GRID2: variants seen among roughly 807,000 people sequenced by gnomAD.
GRID2 encodes the protein glutamate ionotropic receptor delta type subunit 2, also known as glutamate receptor ionotropic, delta-2.
GRID2 carries 33 observed loss-of-function variants against 114.8 expected under a neutral mutation model. The ratio of observed to expected loss-of-function variants is 0.29; its 90% CI spans 0.22 to 0.38. The LOEUF is 0.38. Ranked by LOEUF, GRID2 falls within the 10% of genes least tolerant of loss-of-function variation. GRID2 has a pLI of 1.00. For missense variants in GRID2, 1,184 were observed against 1,257.7 expected, an observed-to-expected ratio of 0.94 and a Z score of 0.89; for synonymous variants, 505 against 449.9, an observed-to-expected ratio of 1.12 and a Z score of -1.55.
chr4:93,564,091 CTA>C (rs1735179833), intron 13 of GRID2, among the ~76,000 whole-genome samples: 1 of 151,842 alleles, frequency 6.6e-6, no homozygotes, highest in African/African-American at 2.4e-5. Flanking sequence ...CTCCTCAGTA[CTA>C]TCCTTTCAGA....
intron 1 of GRID2, among the ~76,000 whole-genome samples, chr4:92,366,412 A>G (rs1237624952): frequency 3.9e-5 from 6 of 152,050 alleles, no homozygotes; most frequent in Non-Finnish European, 8.8e-5. Context: ...AAATAGGCAT[A>G]ATAGTATACA....
At chr4:92,864,282 A>T (rs1459191046) in intron 2 of GRID2, among the ~76,000 whole-genome samples, 1 of 152,202 alleles carries the variant, frequency 6.6e-6, no homozygotes, top group African/African-American at 2.4e-5. Flanking sequence ...ATGGGAAAAG[A>T]AGTTCTTTTG....
intron 8 of GRID2, among the ~76,000 whole-genome samples, chr4:93,382,834 G>A (rs1763985139): frequency 6.6e-6 from 1 of 151,090 alleles, no homozygotes; most frequent in Non-Finnish European, 1.5e-5. Flanking sequence ...ACATGTGACT[G>A]TAGTAATGTA....
intron 2 of GRID2, among the ~76,000 whole-genome samples, chr4:92,755,280 T>A (rs147695428): frequency 6.6e-6 from 1 of 152,208 alleles, no homozygotes; most frequent in Admixed American, 6.5e-5. Flanking sequence ...AAAAAATAAC[T>A]TTTTTGGCAG....
intron 9 of GRID2, among the ~76,000 whole-genome samples, chr4:93,407,532 G>A (rs7661436): frequency 0.73 from 110,307 of 152,072 alleles, 41,140 homozygotes; most frequent in African/African-American, 0.91. Flanking sequence ...TATTATGTTA[G>A]CCTGGATAGA....
chr4:93,368,790 G>A (rs1762587801), intron 8 of GRID2, among the ~76,000 whole-genome samples: 1 of 152,112 alleles, frequency 6.6e-6, no homozygotes, highest in Admixed American at 6.6e-5. Context: ...CTTACTATAA[G>A]TCACACCTGC....
chr4:93,582,342 G>T (rs1028135793), intron 13 of GRID2, among the ~76,000 whole-genome samples: 6 of 152,010 alleles, frequency 3.9e-5, no homozygotes, highest in African/African-American at 1.4e-4. Context: ...GGCCCAACTG[G>T]ATCATCCCAG....
At chr4:92,542,240 G>A (rs1726001840) in intron 1 of GRID2, among the ~76,000 whole-genome samples, 1 of 152,052 alleles carries the variant, frequency 6.6e-6, no homozygotes, top group Admixed American at 6.6e-5. Flanking sequence ...TTGAGCCCAG[G>A]AGTTAGAGGC....
chr4:93,716,362 G>A (rs565716763), intron 14 of GRID2, among the ~76,000 whole-genome samples: 1 of 152,074 alleles, frequency 6.6e-6, no homozygotes, highest in African/African-American at 2.4e-5. Flanking sequence ...CACAGCAGGG[G>A]GCAGAGTTCA....
At chr4:92,957,283 T>G (rs1752476365) in intron 2 of GRID2, among the ~76,000 whole-genome samples, 1 of 152,134 alleles carries the variant, frequency 6.6e-6, no homozygotes, top group African/African-American at 2.4e-5. Context: ...TTAATATTTT[T>G]GCATTTTGCA....
At chr4:92,709,823 C>G (rs976454345) in intron 2 of GRID2, among the ~76,000 whole-genome samples, 1 of 151,652 alleles carries the variant, frequency 6.6e-6, no homozygotes, top group Non-Finnish European at 1.5e-5. Flanking sequence ...TTCTCAGATT[C>G]AGAGTTGGAT....
chr4:92,972,713 G>C (rs12509755), intron 2 of GRID2, among the ~76,000 whole-genome samples: 6 of 151,714 alleles, frequency 4.0e-5, no homozygotes, highest in Admixed American at 6.6e-5. Context: ...CAGGTATTAA[G>C]CCTAGTACCC....
At chr4:93,032,232 T>A (rs1297756070) in intron 2 of GRID2, among the ~76,000 whole-genome samples, 2 of 152,086 alleles carry the variant, frequency 1.3e-5, no homozygotes, top group Non-Finnish European at 2.9e-5. Flanking sequence ...ATTTCAAACA[T>A]GAAAATAGAA....
intron 9 of GRID2, among the ~76,000 whole-genome samples, chr4:93,397,723 G>T (rs1403581997): frequency 6.6e-6 from 1 of 151,820 alleles, no homozygotes; most frequent in East Asian, 1.9e-4. Flanking sequence ...ACCAAAATCT[G>T]CAAATTCTTA....
chr4:92,772,895 T>C (rs1263135288), intron 2 of GRID2, among the ~76,000 whole-genome samples: 3 of 152,226 alleles, frequency 2.0e-5, no homozygotes, highest in Admixed American at 1.3e-4. Context: ...TGCTATAGTC[T>C]CTGAACCTCA....
intron 2 of GRID2, among the ~76,000 whole-genome samples, chr4:92,813,130 C>A (rs1156496482): frequency 6.6e-6 from 1 of 152,062 alleles, no homozygotes; most frequent in Non-Finnish European, 1.5e-5. Flanking sequence ...CTGATGTTTA[C>A]AATATGGACT....
At chr4:92,495,409 A>G (rs893359696) in intron 1 of GRID2, among the ~76,000 whole-genome samples, 9 of 152,028 alleles carry the variant, frequency 5.9e-5, no homozygotes, top group Non-Finnish European at 1.2e-4. Flanking sequence ...GATCTCTTGT[A>G]TAAACAGGTA....
At chr4:92,560,419 T>C (rs1727050968) in intron 1 of GRID2, among the ~76,000 whole-genome samples, 1 of 152,202 alleles carries the variant, frequency 6.6e-6, no homozygotes, top group Non-Finnish European at 1.5e-5. Context: ...GCTACAATGT[T>C]ATAAAGCAAT....
chr4:93,001,833 A>G (rs539174147), intron 2 of GRID2, among the ~76,000 whole-genome samples: 16 of 151,666 alleles, frequency 1.1e-4, no homozygotes, highest in Non-Finnish European at 1.2e-4. Flanking sequence ...AAAATTTTCA[A>G]TTTTCCATGC....
Sources: gnomAD v4.1 joint callset for allele counts (sites outside exome capture counted in the v4.1 genomes callset) on GRCh38, gnomAD v4.1.1 for gene constraint, MANE v1.5 for transcripts, NCBI Gene and HGNC (gene_info 2026-07-23, HGNC 2026-07-21) for gene names.